ERF: variants seen among roughly 807,000 people sequenced by gnomAD.
ERF encodes the protein ETS2 repressor factor, also known as ETS domain-containing transcription factor ERF.
Under a neutral mutation model 41.6 loss-of-function variants are expected in ERF, and 10 were observed. The observed-to-expected ratio is 0.24, with a 90% CI of 0.15 to 0.41. The LOEUF (loss-of-function observed/expected upper bound fraction) is 0.41. Ranked by LOEUF, ERF falls within the 10% of genes least tolerant of loss-of-function variation. The pLI is 1.00. For missense variants in ERF, 621 were observed against 763.2 expected, an observed-to-expected ratio of 0.81 and a Z score of 2.19; for synonymous variants, 395 against 342.4, an observed-to-expected ratio of 1.15 and a Z score of -1.70.
chr19:42,249,867 C>T lies in ERF; in HGVS notation c.333G>A (p.Leu111=). ...CAATGAATGGGTAATTGACCAGCAC[C>T]AGTTTGTTGAAATTGAACTTGTAGG... ...RFTYKFNFNK[L]VLVNYPFIDV... is the part of the protein sequence containing the mutation. The change falls in exon 3 of 4, where the codon CTG becomes CTA. Residue 111 remains leucine, a synonymous_variant. Coordinates refer to ENST00000222329, the MANE Select transcript of ERF (RefSeq NM_006494.4). This position sits in a 1 kb window ranked among gnomAD's most constrained non-coding sequence, Gnocchi z 8.6. 1 of 1,614,164 alleles carries T rather than the reference C, an allele frequency of 6.2e-7. No individual in the cohort carries two copies. Among genetic ancestry groups the T allele is most frequent in the Non-Finnish European group, 8.5e-7 (1 of 1,180,028 alleles).
At position 42,248,578 on chromosome 19, in the gene ERF, T is replaced by C; in HGVS notation, c.1534A>G (p.Lys512Glu). ...GGFEDEGEDK[K>E]VRGEGPGEAG... is the part of the protein sequence containing the mutation. ...TCCCCAGGCCCCTCCCCACGCACCT[T>C]CTTGTCCTCACCCTCATCCTCAAAG... Residue 512 changes from lysine to glutamate, a missense_variant, in exon 4 of 4, where the codon AAG becomes GAG. Around this residue, in one of 3 missense-constraint regions of ERF, gnomAD observed 569 missense variants for 625.5 expected, o/e 0.91. Transcript: ENST00000222329. This position sits in a 1 kb window ranked among gnomAD's most constrained non-coding sequence, Gnocchi z 4.2. 1 of 1,582,710 alleles carries C rather than the reference T, an allele frequency of 6.3e-7. No individual in the cohort carries two copies. The highest frequency in any genetic ancestry group is 1.7e-4 in the Middle Eastern group (1 of 5,900).
chr19:42,249,805 A>T lies in ERF; in HGVS notation c.373+22T>A. The T allele has an allele frequency of 6.2e-7, 1 of 1,614,150 alleles. No individual in the cohort carries two copies. The highest frequency in any genetic ancestry group is 1.1e-5 in the South Asian group (1 of 91,088). ...GAAGGGGCATGTAGACCCTCTCCAC[A>T]CCAACCATCCCTGGTACTCACCAGC... is the stretch of plus-strand genomic sequence containing the variant. On this transcript the variant is annotated intron_variant, in intron 3 of 3. Coordinates refer to ENST00000222329, the MANE Select transcript of ERF (RefSeq NM_006494.4). The surrounding 1 kb of genome is among the most constrained non-coding windows in gnomAD (Gnocchi z 8.6).
Position 42,249,976 on chromosome 19 carries a change from G to C in ERF, c.258-34C>G. ...ACAGAAATGCCATTGGGAAGGTCAGGTACGTGGGACCCAGGTCTAGACTCC... is the reference window on the plus strand; with the variant it reads ...ACAGAAATGCCATTGGGAAGGTCAGCTACGTGGGACCCAGGTCTAGACTCC... On this transcript the variant is annotated intron_variant, in intron 2 of 3. Transcript: ENST00000222329. This position sits in a 1 kb window ranked among gnomAD's most constrained non-coding sequence, Gnocchi z 8.6. The C allele has an allele frequency of 6.3e-7, 1 of 1,596,688 alleles. No homozygotes were observed. Among genetic ancestry groups the C allele is most frequent in the Non-Finnish European group, 8.6e-7 (1 of 1,164,220 alleles).
intron 1 of ERF, among the ~76,000 whole-genome samples, chr19:42,252,653 C>G (rs540931687): frequency 1.3e-5 from 2 of 152,262 alleles, no homozygotes; most frequent in East Asian, 3.9e-4. Context: ...AGGGACCCTT[C>G]CCCACTCCCA....
At position 42,250,742 on chromosome 19, in the gene ERF, G is replaced by A. The variant is rs2036430593; in HGVS notation, c.23-177C>T. 6.6e-6 allele frequency among the ~76,000 whole-genome samples: 1 copy of A among 152,220 alleles called. No homozygotes were observed. The highest frequency in any genetic ancestry group is 2.4e-5 in the African/African-American group (1 of 41,460). ...CGTGTCTGTCTGTCTGCATGTGAGG[G>A]GCTAGACAGGAGCTGGGGGGGAGGG... On this transcript the variant is annotated intron_variant, in intron 1 of 3. Transcript: ENST00000222329. The surrounding 1 kb of genome is among the most constrained non-coding windows in gnomAD (Gnocchi z 5.1).
Position 42,250,298 on chromosome 19 carries a change from A to C in ERF, c.257+33T>G. 1 of 1,606,324 alleles carries C rather than the reference A, an allele frequency of 6.2e-7. No homozygotes were observed. The highest frequency in any genetic ancestry group is 8.5e-7 in the Non-Finnish European group (1 of 1,175,046). ...CTGTGCAACCCCGGGGGGGCACTCCACATGTGCTCAGGGGTCCCCAGCCCG... is the reference window on the plus strand; with the variant it reads ...CTGTGCAACCCCGGGGGGGCACTCCCCATGTGCTCAGGGGTCCCCAGCCCG... On this transcript the variant is annotated intron_variant, in intron 2 of 3. Transcript: ENST00000222329. The surrounding 1 kb of genome is among the most constrained non-coding windows in gnomAD (Gnocchi z 5.1).
chr19:42,254,916 G>A (rs1412176754), intron 1 of ERF, 62 bp downstream of exon 1: 27 of 1,501,808 alleles, frequency 1.8e-5, no homozygotes, highest in African/African-American at 4.4e-5. Flanking sequence ...CCCCCCCAAA[G>A]TTTCTCCGTT....
In ERF at chr19:42,250,110, C is replaced by T. The variant is rs951326967; in HGVS notation, c.258-168G>A. ...GTGGGTACCAGCTCTCTCCTCACAT[C>T]TAAGGCAGGACTAGAGGATCCACTG... is the stretch of plus-strand genomic sequence containing the variant. On this transcript the variant is annotated intron_variant, in intron 2 of 3. Transcript: ENST00000222329. This position sits in a 1 kb window ranked among gnomAD's most constrained non-coding sequence, Gnocchi z 5.1. The T allele has an allele frequency of 3.8e-5, 29 of 772,220 alleles. No individual in the cohort carries two copies. Among genetic ancestry groups the T allele is most frequent in the Middle Eastern group, 3.1e-4 (1 of 3,252 alleles). 47.8% of individuals were successfully genotyped at this position (772,220 alleles called of 1,614,324 possible).
At chr19:42,253,087 GACT>G (rs1477561782) in intron 1 of ERF, among the ~76,000 whole-genome samples, 2 of 152,196 alleles carry the variant, frequency 1.3e-5, no homozygotes, top group African/African-American at 4.8e-5. Context: ...CTCCCAGACA[GACT>G]ATGCAAGCCT....
intron 1 of ERF, chr19:42,251,188 C>CTGAG: frequency 1.0e-6 from 1 of 982,210 alleles, no homozygotes; most frequent in Non-Finnish European, 1.2e-6. Flanking sequence ...CCCAGACTGT[C>CTGAG]TGAGAGGCCC....
rs2036435132 is a variant in ERF, at chr19:42,250,944, A to AC, written c.23-380dup. 6.6e-6 allele frequency among the ~76,000 whole-genome samples: 1 copy of AC among 151,088 alleles called. No individual in the cohort carries two copies. Among genetic ancestry groups the AC allele is most frequent in the African/African-American group, 2.4e-5 (1 of 40,928 alleles). On this transcript the variant is annotated intron_variant, in intron 1 of 3. Coordinates refer to ENST00000222329, the MANE Select transcript of ERF (RefSeq NM_006494.4). The surrounding 1 kb of genome is among the most constrained non-coding windows in gnomAD (Gnocchi z 5.1). Reference sequence around the variant, plus strand: ...GGGTTGGGGTACAGCCCCCCAGCTTACCCCCACTCCCATTCAGAGCCAGTT... The same window carrying AC: ...GGGTTGGGGTACAGCCCCCCAGCTTACCCCCCACTCCCATTCAGAGCCAGTT...
In ERF at chr19:42,251,570, G is replaced by A. The variant is rs2036446884; in HGVS notation, c.23-1005C>T. ...AGGAGGGAAAGGGGAGGAAGGGAAG[G>A]AGTGGGGAGGCAGAGCAGGGTCCCT... On this transcript the variant is annotated intron_variant, in intron 1 of 3. Coordinates refer to ENST00000222329, the MANE Select transcript of ERF (RefSeq NM_006494.4). 1.7e-5 allele frequency: 3 copies of A among 174,888 alleles called. No individual in the cohort carries two copies. In the Admixed American group the frequency reaches 2.0e-4, roughly 11 times the overall value. 10.8% of individuals were successfully genotyped at this position (174,888 alleles called of 1,614,324 possible).
rs1051403637 is a variant in ERF, at chr19:42,252,237, C to G, written c.23-1672G>C. 2.6e-5 allele frequency among the ~76,000 whole-genome samples: 4 copies of G among 152,318 alleles called. No individual in the cohort carries two copies. In the South Asian group the frequency reaches 8.3e-4, roughly 32 times the overall value. On this transcript the variant is annotated intron_variant, in intron 1 of 3. Transcript: ENST00000222329. ...CCAGCCCCTCTCAGGGAACCAAGCT[C>G]CATGTTACTTCCACCTCAGCCCCAA...
chr19:42,253,941 TC>T, intron 1 of ERF: 2 of 1,026,512 alleles, frequency 1.9e-6, no homozygotes, highest in Middle Eastern at 4.8e-4. Flanking sequence ...CCCTCCCCCG[TC>T]CCCGCCCCGG....
rs532174730 is a variant in ERF, at chr19:42,250,795, G to A, written c.23-230C>T. Among the ~76,000 whole-genome samples the A allele has an allele frequency of 9.8e-5, 15 of 152,318 alleles. No homozygotes were observed. The East Asian group carries it at 2.1e-3, about 22-fold the overall frequency. ...AGCTGGAGCCCGCTCCAGCGACACC[G>A]GGAGAAACAGGAAACCGTCGGCGGT... is the stretch of plus-strand genomic sequence containing the variant. On this transcript the variant is annotated intron_variant, in intron 1 of 3. Transcript: ENST00000222329. The surrounding 1 kb of genome is among the most constrained non-coding windows in gnomAD (Gnocchi z 5.1).
chr19:42,252,682 CT>C (rs1350805411), intron 1 of ERF, among the ~76,000 whole-genome samples: 1 of 152,066 alleles, frequency 6.6e-6, no homozygotes, highest in Non-Finnish European at 1.5e-5. Flanking sequence ...ACAACGGCGG[CT>C]TTCCTCATCG....
At chr19:42,253,767 G>C in intron 1 of ERF, 1 of 676,790 alleles carries the variant, frequency 1.5e-6, no homozygotes, top group East Asian at 1.4e-4. Flanking sequence ...CCGCCGAGCA[G>C]GGGGATGGGG....
Position 42,250,066 on chromosome 19 carries a change from CA to C in ERF, c.258-125del. On this transcript the variant is annotated intron_variant, in intron 2 of 3. Coordinates refer to ENST00000222329, the MANE Select transcript of ERF (RefSeq NM_006494.4). The surrounding 1 kb of genome is among the most constrained non-coding windows in gnomAD (Gnocchi z 5.1). ...ACTGAGGAACGTAGGCCACAAAAGA[CA>C]AATCAAGTGCCCAGAGGGTGGGTAC... The C allele has an allele frequency of 1.0e-6, 1 of 974,522 alleles. No individual in the cohort carries two copies. Among genetic ancestry groups the C allele is most frequent in the Non-Finnish European group, 1.6e-6 (1 of 616,774 alleles). The allele number at this position is 974,522 out of a possible 1,614,324, so 60.4% of individuals were successfully genotyped here.
chr19:42,251,204 G>A (rs1214513918), intron 1 of ERF: 3 of 984,092 alleles, frequency 3.0e-6, no homozygotes, highest in East Asian at 2.3e-4. Flanking sequence ...GGCCCCCCAA[G>A]CCCTGGACCC....
Sources: gnomAD v4.1 joint callset for allele counts (sites outside exome capture counted in the v4.1 genomes callset) on GRCh38, gnomAD v4.1.1 for gene constraint, gnomAD v4.1.1 regional missense constraint, Gnocchi (gnomAD v3.1) non-coding constraint, MANE v1.5 for transcripts, NCBI Gene and HGNC (gene_info 2026-07-23, HGNC 2026-07-21) for gene names.